Variants in CADM1 observed in about 807,000 individuals in gnomAD.
CADM1 encodes cell adhesion molecule 1.
A neutral mutation model predicts 53.1 loss-of-function variants in CADM1; 15 were observed. The observed-to-expected ratio is 0.28, with a 90% CI of 0.19 to 0.44. The LOEUF (loss-of-function observed/expected upper bound fraction) is 0.44, where lower values mean the gene tolerates loss of function less well. CADM1 is among the 20% of genes least tolerant of loss of function. The pLI, the probability that CADM1 is intolerant of heterozygous loss-of-function variation, is 1.00. For missense variants in CADM1, 434 were observed against 611.3 expected (o/e 0.71, Z 3.06); for synonymous variants, 281 against 243.0 (o/e 1.16, Z -1.45).
chr11:115,315,307 A>T (rs766029121), intron 1 of CADM1, among the ~76,000 whole-genome samples: 15 of 152,194 alleles, frequency 9.9e-5, no homozygotes, highest in Non-Finnish European at 1.8e-4. Flanking sequence ...CTTTGATAGA[A>T]AAGATGGCAA....
chr11:115,451,547 C>G (rs1948572331), intron 1 of CADM1, among the ~76,000 whole-genome samples: 2 of 152,140 alleles, frequency 1.3e-5, no homozygotes, highest in Admixed American at 1.3e-4. Flanking sequence ...TTGTATGAAA[C>G]AAAAACATTA....
At position 115,229,287 on chromosome 11, in the gene CADM1, T is replaced by C; in HGVS notation, c.563-16A>G. The C allele has an allele frequency of 6.2e-7, 1 of 1,613,884 alleles. No individual in the cohort carries two copies. ...TCCGATTTGCCTGGGGAACAGAAAA[T>C]GTACCAAGACACCAGAGTTGGGTGA... On this transcript the variant is annotated splice_polypyrimidine_tract_variant and intron_variant, in intron 4 of 11. Transcript: ENST00000331581.
intron 1 of CADM1, among the ~76,000 whole-genome samples, chr11:115,398,494 A>G (rs1947059344): frequency 6.6e-6 from 1 of 152,134 alleles, no homozygotes; most frequent in African/African-American, 2.4e-5. Flanking sequence ...CACGTTCCAA[A>G]CCAAATTGTA....
At chr11:115,430,483 T>A (rs1948017350) in intron 1 of CADM1, among the ~76,000 whole-genome samples, 1 of 152,224 alleles carries the variant, frequency 6.6e-6, no homozygotes. Context: ...GCTGCCAACA[T>A]CAAAGCAAAA....
chr11:115,486,409 G>T (rs1269702239), intron 1 of CADM1, among the ~76,000 whole-genome samples: 1 of 151,920 alleles, frequency 6.6e-6, no homozygotes, highest in Non-Finnish European at 1.5e-5. Flanking sequence ...GGAGTGCAGT[G>T]GTGCAATCAC....
chr11:115,418,293 G>A (rs1418033778), intron 1 of CADM1, among the ~76,000 whole-genome samples: 1 of 152,154 alleles, frequency 6.6e-6, no homozygotes, highest in Non-Finnish European at 1.5e-5. Flanking sequence ...GAACACGCAA[G>A]TGGTTAAGAT....
chr11:115,317,282 C>T (rs1240030649), intron 1 of CADM1, among the ~76,000 whole-genome samples: 3 of 152,134 alleles, frequency 2.0e-5, no homozygotes, highest in African/African-American at 7.2e-5. Flanking sequence ...AAGGGTCAAA[C>T]TGAATACACA....
At chr11:115,322,785 C>A (rs1321767571) in intron 1 of CADM1, among the ~76,000 whole-genome samples, 1 of 152,030 alleles carries the variant, frequency 6.6e-6, no homozygotes, top group Admixed American at 6.6e-5. Context: ...TTGGCTATAC[C>A]ACATATTGTT....
chr11:115,316,836 A>AT (rs1219020632), intron 1 of CADM1, among the ~76,000 whole-genome samples: 2 of 152,222 alleles, frequency 1.3e-5, no homozygotes, highest in Admixed American at 1.3e-4. Context: ...AAAACTGACT[A>AT]TATAGCAAGA....
chr11:115,425,708 G>A (rs1247617773), intron 1 of CADM1, among the ~76,000 whole-genome samples: 1 of 152,178 alleles, frequency 6.6e-6, no homozygotes. Context: ...ACAATAATAT[G>A]TACCTCTCTT....
intron 1 of CADM1, among the ~76,000 whole-genome samples, chr11:115,262,505 A>C (rs1452959579): frequency 1.3e-5 from 2 of 152,016 alleles, no homozygotes; most frequent in African/African-American, 4.8e-5. Context: ...TTCCATAAGC[A>C]CCTCACTTGT....
chr11:115,231,483 T>TAA lies in CADM1; in HGVS notation c.431_432insTT (p.Arg145TyrfsTer4). On this transcript the variant is annotated frameshift_variant, in exon 4 of 12. Coordinates refer to ENST00000331581, the MANE Select transcript of CADM1 (RefSeq NM_001301043.2). LOFTEE classifies it high-confidence loss of function. ...TCTGGATATCGATCATCAGATTACGTGGTGGGACTACAAATTAAACATATG... is the reference window on the plus strand; with the variant it reads ...TCTGGATATCGATCATCAGATTACGTAAGGTGGGACTACAAATTAAACATATG... 6.2e-7 allele frequency: 1 copy of TAA among 1,614,024 alleles called. No homozygotes were observed. The highest frequency in any genetic ancestry group is 8.5e-7 in the Non-Finnish European group (1 of 1,179,872).
At chr11:115,225,753 A>T (rs1215406063) in intron 5 of CADM1, among the ~76,000 whole-genome samples, 1 of 152,174 alleles carries the variant, frequency 6.6e-6, no homozygotes, top group Non-Finnish European at 1.5e-5. Flanking sequence ...TCTTACTTAA[A>T]GTAAGATATT....
intron 1 of CADM1, among the ~76,000 whole-genome samples, chr11:115,463,110 C>T (rs1229136144): frequency 6.6e-6 from 1 of 152,112 alleles, no homozygotes; most frequent in African/African-American, 2.4e-5. Context: ...CACAGACTCT[C>T]CCCAAAAAAA....
chr11:115,332,222 AGAACAAGGAATG>A (rs1275785253), intron 1 of CADM1, among the ~76,000 whole-genome samples: 3 of 152,210 alleles, frequency 2.0e-5, no homozygotes, highest in African/African-American at 2.4e-5. Flanking sequence ...AAACAAGGAC[AGAACAAGGAATG>A]GAACAAGGAA....
At chr11:115,177,420 A>T (rs963262033) in intron 11 of CADM1, among the ~76,000 whole-genome samples, 9 of 152,206 alleles carry the variant, frequency 5.9e-5, no homozygotes, top group Non-Finnish European at 1.3e-4. Flanking sequence ...GTAGAAGTTA[A>T]ACTGCCTACC....
intron 1 of CADM1, among the ~76,000 whole-genome samples, chr11:115,421,492 C>G (rs1392015725): frequency 6.6e-6 from 1 of 152,246 alleles, no homozygotes; most frequent in Non-Finnish European, 1.5e-5. Context: ...TACACTATTT[C>G]TGCCTGCCCT....
chr11:115,378,038 A>C (rs1347137893), intron 1 of CADM1: 7 of 152,168 alleles, frequency 4.6e-5, no homozygotes, highest in Non-Finnish European at 8.8e-5. Context: ...ACAACCGAAA[A>C]ATCAACGGAC....
At chr11:115,308,303 T>C (rs930133238) in intron 1 of CADM1, among the ~76,000 whole-genome samples, 1 of 151,580 alleles carries the variant, frequency 6.6e-6, no homozygotes, top group African/African-American at 2.4e-5. Context: ...AACACTCCAC[T>C]GTCTATTGAA....
Sources: gnomAD v4.1 joint callset for allele counts (sites outside exome capture counted in the v4.1 genomes callset) on GRCh38, gnomAD v4.1.1 for gene constraint, MANE v1.5 for transcripts, NCBI Gene and HGNC (gene_info 2026-07-23, HGNC 2026-07-21) for gene names.